The following DYNC2I2 variants were observed in gnomAD, a reference collection of about 807,000 sequenced individuals.
The protein encoded by DYNC2I2 is cytoplasmic dynein 2 intermediate chain 2.
A neutral mutation model predicts 52.0 loss-of-function variants in DYNC2I2; 39 were observed. The observed-to-expected ratio is 0.75, with a 90% confidence interval of 0.58 to 0.98. The LOEUF (loss-of-function observed/expected upper bound fraction) is 0.98, where lower values mean the gene tolerates loss of function less well. Among genes scored for constraint, DYNC2I2 ranks in the 50% least tolerant of loss-of-function variants. The pLI, the probability that DYNC2I2 is intolerant of heterozygous loss-of-function variation, is 0.00. For synonymous variants in DYNC2I2, 359 were observed against 321.1 expected (o/e 1.12, Z -1.26); for missense variants, 743 against 728.4 (o/e 1.02, Z -0.23).
chr9:128,640,252 C>T (rs962173451), intron 2 of DYNC2I2, among the ~76,000 whole-genome samples: 1 of 151,934 alleles, frequency 6.6e-6, no homozygotes, highest in African/African-American at 2.4e-5. Context: ...CATTGTGATC[C>T]GCCCGCCTCG....
intron 2 of DYNC2I2, 55 bp downstream of exon 2, chr9:128,640,633 AGAG>A: frequency 6.4e-7 from 1 of 1,569,094 alleles, no homozygotes; most frequent in Non-Finnish European, 8.6e-7. Flanking sequence ...AAGGAAAACA[AGAG>A]GAGACAGAAG....
intron 1 of DYNC2I2, among the ~76,000 whole-genome samples, chr9:128,643,633 A>C (rs1860559642): frequency 6.6e-6 from 1 of 152,020 alleles, no homozygotes; most frequent in African/African-American, 2.4e-5. Flanking sequence ...TGGAGGCTGC[A>C]GTGAGCAGTT....
the DYNC2I2 span, among the ~76,000 whole-genome samples, chr9:128,666,788 G>T: frequency 6.6e-6 from 1 of 151,614 alleles, no homozygotes; most frequent in South Asian, 2.1e-4. Flanking sequence ...ATAAGGCCTG[G>T]CATGGTGACT....
the DYNC2I2 span, among the ~76,000 whole-genome samples, chr9:128,678,448 ATTTTTTTTTTTTTTTTTTTT>A: frequency 3.3e-5 from 2 of 61,378 alleles, no homozygotes; most frequent in South Asian, 2.1e-3. Flanking sequence ...ACCACAGGTA[ATTTTTTTTTTTTTTTTTTTT>A]TTTTTTTTTG....
the DYNC2I2 span, among the ~76,000 whole-genome samples, chr9:128,662,297 G>A: frequency 2.0e-5 from 3 of 151,996 alleles, no homozygotes; most frequent in South Asian, 2.1e-4. Context: ...TAATGAAAGC[G>A]CCATCTGCCC....
the DYNC2I2 span, among the ~76,000 whole-genome samples, chr9:128,683,158 C>G: frequency 6.6e-6 from 1 of 152,000 alleles, no homozygotes; most frequent in Non-Finnish European, 1.5e-5. Flanking sequence ...CCACGCCCAG[C>G]TAAAATAAAC....
At chr9:128,647,961 C>A (rs1045708743) in intron 1 of DYNC2I2, among the ~76,000 whole-genome samples, 1 of 152,198 alleles carries the variant, frequency 6.6e-6, no homozygotes, top group African/African-American at 2.4e-5. Context: ...AGAACATCAG[C>A]ACTCCTGCCT....
intron 2 of DYNC2I2, among the ~76,000 whole-genome samples, chr9:128,637,695 G>A (rs571293104): frequency 2.6e-5 from 4 of 152,220 alleles, no homozygotes; most frequent in African/African-American, 4.8e-5. Flanking sequence ...CGCCTGCCTC[G>A]GTCTCCCAAA....
At chr9:128,636,857 C>A in intron 3 of DYNC2I2, 61 bp downstream of exon 3, 1 of 1,322,084 alleles carries the variant, frequency 7.6e-7, no homozygotes. Flanking sequence ...GCTACAGAGA[C>A]AAGGCCCAAG....
chr9:128,667,298 T>G, the DYNC2I2 span, among the ~76,000 whole-genome samples: 1 of 152,140 alleles, frequency 6.6e-6, no homozygotes, highest in Non-Finnish European at 1.5e-5. Flanking sequence ...GAGGCTGAGG[T>G]TGCAGTAAAC....
At chr9:128,674,293 C>G in the DYNC2I2 span, among the ~76,000 whole-genome samples, 1 of 152,048 alleles carries the variant, frequency 6.6e-6, no homozygotes, top group African/African-American at 2.4e-5. Flanking sequence ...CGCCACCACA[C>G]CCGGCTAATT....
chr9:128,655,652 G>A lies in DYNC2I2; in HGVS notation c.186+889C>T, dbSNP rs559467910. Reference sequence around the variant, plus strand: ...AGGCCGGGCGCGGTGGCTCACGCCTGTAATCCCAGCACTTTGGAAGGCCGA... The same window carrying A: ...AGGCCGGGCGCGGTGGCTCACGCCTATAATCCCAGCACTTTGGAAGGCCGA... On this transcript the variant is annotated intron_variant, in intron 1 of 8. Coordinates refer to ENST00000372715, the MANE Select transcript of DYNC2I2 (RefSeq NM_052844.4). 4.0e-3 allele frequency among the ~76,000 whole-genome samples: 600 copies of A among 151,420 alleles called. 7 individuals are homozygous for A. Among genetic ancestry groups the A allele is most frequent in the African/African-American group, 0.014 (566 of 41,266 alleles).
chr9:128,653,226 C>T (rs778960598), intron 1 of DYNC2I2, among the ~76,000 whole-genome samples: 3 of 150,892 alleles, frequency 2.0e-5, no homozygotes, highest in Non-Finnish European at 4.4e-5. Flanking sequence ...GAGACTCCGT[C>T]TCACACACAA....
At position 128,636,415 on chromosome 9, in the gene DYNC2I2, G is replaced by A. The variant is rs142859913; in HGVS notation, c.569C>T (p.Thr190Met). The A allele has an allele frequency of 1.4e-4, 230 of 1,608,288 alleles. No homozygotes were observed. In the African/African-American group the frequency reaches 2.7e-3, roughly 19 times the overall value. Residue 190 changes from threonine to methionine, a missense_variant, in exon 4 of 9, where the codon ACG (threonine) becomes ATG (methionine). Physicochemically the swap from Thr to Met is moderately conservative, Grantham distance 81. Transcript: ENST00000372715. ...CCAGGCACACACGAAGGACTTAAGC[G>A]TGCTCCAGTCCCCATGGTCCAGCCT... ...YGRLDHGDWS[T>M]LKSFVCAWNL...
At chr9:128,670,267 C>T in the DYNC2I2 span, among the ~76,000 whole-genome samples, 2 of 151,842 alleles carry the variant, frequency 1.3e-5, no homozygotes, top group Non-Finnish European at 1.5e-5. Context: ...GGTGAAACTC[C>T]GTCTCTACTA....
At chr9:128,662,388 C>G in the DYNC2I2 span, among the ~76,000 whole-genome samples, 2 of 149,074 alleles carry the variant, frequency 1.3e-5, no homozygotes, top group Admixed American at 1.4e-4. Flanking sequence ...AATTCCAAAA[C>G]ACAAGTGTTA....
chr9:128,669,132 G>A, the DYNC2I2 span, among the ~76,000 whole-genome samples: 4 of 152,080 alleles, frequency 2.6e-5, no homozygotes, highest in Non-Finnish European at 4.4e-5. Flanking sequence ...TTGGGAGGCC[G>A]AGGCGGGCGG....
upstream of DYNC2I2, among the ~76,000 whole-genome samples, chr9:128,657,549 T>A (rs929352577): frequency 8.6e-5 from 13 of 151,962 alleles, no homozygotes; most frequent in African/African-American, 3.1e-4. Context: ...ACACCTGTAA[T>A]CCCGGTACTT....
Position 128,635,782 on chromosome 9 carries a change from G to GAC in DYNC2I2, c.704-17_704-16dup, listed in dbSNP as rs1157611845. ...GTACAGCCCTCCTGCAGGGACAGTG[G>GAC]ACCTGGGCAGAGGCTCAGCCCCACC... On this transcript the variant is annotated splice_polypyrimidine_tract_variant and intron_variant, in intron 4 of 8. Transcript: ENST00000372715. The GAC allele has an allele frequency of 6.2e-7, 1 of 1,600,614 alleles. No homozygotes were observed. The highest frequency in any genetic ancestry group is 1.3e-5 in the African/African-American group (1 of 74,554).
Sources: gnomAD v4.1 joint callset for allele counts (sites outside exome capture counted in the v4.1 genomes callset) on GRCh38, gnomAD v4.1.1 for gene constraint, MANE v1.5 for transcripts, NCBI Gene and HGNC (gene_info 2026-07-23, HGNC 2026-07-21) for gene names.